Variants in SNTG2 observed in about 807,000 individuals in gnomAD.
SNTG2 encodes the protein gamma-2-syntrophin.
In SNTG2, 74 loss-of-function variants were observed where a neutral mutation model predicts 70.9. That is an observed-to-expected ratio of 1.04 (90% CI 0.86 to 1.27). The LOEUF (loss-of-function observed/expected upper bound fraction) is 1.27. Ranked by LOEUF, SNTG2 falls within the 50% of genes most tolerant of loss-of-function variation. The pLI, the probability that SNTG2 is intolerant of heterozygous loss-of-function variation, is 0.00. For synonymous variants in SNTG2, 278 were observed against 273.8 expected (o/e 1.02, Z -0.15); for missense variants, 717 against 690.7 (o/e 1.04, Z -0.43).
chr2:1,062,659 A>G (rs976727297), intron 1 of SNTG2, among the ~76,000 whole-genome samples: 3 of 152,244 alleles, frequency 2.0e-5, no homozygotes, highest in African/African-American at 7.2e-5. Flanking sequence ...TCTGTGGTAC[A>G]TAAAATGTTG....
intron 12 of SNTG2, among the ~76,000 whole-genome samples, chr2:1,250,370 CCTGTCTCTCT>C (rs1677679312): frequency 6.6e-6 from 1 of 152,164 alleles, no homozygotes; most frequent in South Asian, 2.1e-4. Context: ...CATCTCTCTC[CCTGTCTCTCT>C]GTCTCTGTCT....
chr2:1,242,836 G>A (rs1353882440), intron 11 of SNTG2: 1 of 152,050 alleles, frequency 6.6e-6, no homozygotes, highest in Non-Finnish European at 1.5e-5. Context: ...TATAGAAATG[G>A]TATCAGAAAA....
intron 1 of SNTG2, among the ~76,000 whole-genome samples, chr2:1,030,493 A>G (rs1480976408): frequency 6.6e-6 from 1 of 152,140 alleles, no homozygotes; most frequent in Non-Finnish European, 1.5e-5. Context: ...TCACATGTGC[A>G]GCTGTGATTA....
rs1261029467 is a variant in SNTG2 at position 1,149,690 on chromosome 2, TTTTTTTTTTTTTTTTC to T, written c.411+11882_411+11897del. Among the ~76,000 whole-genome samples, 37 of 4,258 alleles carry T rather than the reference TTTTTTTTTTTTTTTTC, an allele frequency of 8.7e-3. 2 individuals are homozygous for T. Among genetic ancestry groups the T allele is most frequent in the African/African-American group, 0.034 (36 of 1,060 alleles). The allele number at this position is 4,258 out of a possible 152,430, so 2.8% of individuals were successfully genotyped here. On this transcript the variant is annotated intron_variant, in intron 6 of 16. Coordinates refer to ENST00000308624, the MANE Select transcript of SNTG2 (RefSeq NM_018968.4). ...GATTAGCGTTTTTTTTTTTTTTTTTTTTTTTTTTTTTTTTTCAAATGGAATCTGGCTCTGTTGCCCA... is the reference window on the plus strand; with the variant it reads ...GATTAGCGTTTTTTTTTTTTTTTTTTAAATGGAATCTGGCTCTGTTGCCCA...
chr2:951,004 C>T lies in SNTG2; in HGVS notation c.8C>T (p.Thr3Ile), dbSNP rs1287303488. 2 of 1,257,368 alleles carry T rather than the reference C, an allele frequency of 1.6e-6. No individual in the cohort carries two copies. The highest frequency in any genetic ancestry group is 1.0e-6 in the Non-Finnish European group (1 of 1,004,490). 77.9% of individuals were successfully genotyped at this position (1,257,368 alleles called of 1,614,324 possible). A position where few individuals can be genotyped will look rare whatever the true frequency, so the allele number is the denominator to read the frequency against. The change falls in exon 1 of 17, where the codon ACC becomes ATC. Residue 3 changes from threonine (T) to isoleucine (I), a missense_variant. Physicochemically the swap from Thr to Ile is moderately conservative, Grantham distance 89 (BLOSUM62 -1). Coordinates refer to ENST00000308624, the MANE Select transcript of SNTG2 (RefSeq NM_018968.4). MGTEGPPPPAASR... is the reference protein window; with the variant it reads MGIEGPPPPAASR... ...CCAGCCGCAGGGGCGGCGATGGGCA[C>T]CGAGGGACCCCCGCCCCCGGCCGCC... is the stretch of plus-strand genomic sequence containing the variant.
chr2:1,093,804 A>C (rs1277769928), intron 2 of SNTG2, among the ~76,000 whole-genome samples: 1 of 152,276 alleles, frequency 6.6e-6, no homozygotes, highest in African/African-American at 2.4e-5. Context: ...AAGGAACCAC[A>C]GGTGGGCTGG....
chr2:1,305,489 G>A (rs574755799), intron 14 of SNTG2, among the ~76,000 whole-genome samples: 1 of 152,146 alleles, frequency 6.6e-6, no homozygotes, highest in Non-Finnish European at 1.5e-5. Context: ...TTCTTCCAAG[G>A]CATCAAGGGA....
intron 1 of SNTG2, among the ~76,000 whole-genome samples, chr2:1,027,291 C>A (rs1191763257): frequency 1.3e-5 from 2 of 152,146 alleles, no homozygotes; most frequent in South Asian, 2.1e-4. Context: ...CCCACAGACA[C>A]TACCCAGCAA....
At chr2:1,005,846 TATATATATATATATATATATATATATATA>T (rs1659552287) in intron 1 of SNTG2, among the ~76,000 whole-genome samples, 45 of 21,074 alleles carry the variant, frequency 2.1e-3, no homozygotes, top group African/African-American at 6.5e-3. Context: ...TATATATATA[TATATATATATATATATATATATATATATA>T]AACGTTGACA....
chr2:1,052,900 T>C (rs1418758412), intron 1 of SNTG2, among the ~76,000 whole-genome samples: 1 of 152,214 alleles, frequency 6.6e-6, no homozygotes, highest in South Asian at 2.1e-4. Flanking sequence ...TTGAAAGTCG[T>C]AAGCTCACAA....
intron 12 of SNTG2, among the ~76,000 whole-genome samples, chr2:1,257,173 T>G (rs561045917): frequency 2.6e-5 from 4 of 151,960 alleles, no homozygotes; most frequent in Non-Finnish European, 5.9e-5. Flanking sequence ...TTCCCACAGC[T>G]CTCAGGGTGG....
intron 6 of SNTG2, among the ~76,000 whole-genome samples, chr2:1,165,133 A>AATATTT (rs765567655): frequency 6.6e-6 from 1 of 152,232 alleles, no homozygotes; most frequent in African/African-American, 2.4e-5. Context: ...AGCATCATTT[A>AATATTT]AATATTTAAA....
intron 1 of SNTG2, among the ~76,000 whole-genome samples, chr2:1,037,852 CT>C (rs1267377799): frequency 6.6e-6 from 1 of 152,098 alleles, no homozygotes; most frequent in East Asian, 1.9e-4. Flanking sequence ...GAGGGATGGA[CT>C]TTCTGGTCGT....
chr2:1,149,384 G>A (rs922422333), intron 6 of SNTG2, among the ~76,000 whole-genome samples: 1 of 152,078 alleles, frequency 6.6e-6, no homozygotes, highest in African/African-American at 2.4e-5. Context: ...ATTGTGAATA[G>A]GATTAGAAAA....
intron 1 of SNTG2, among the ~76,000 whole-genome samples, chr2:956,670 C>A (rs916965680): frequency 6.6e-6 from 1 of 152,232 alleles, no homozygotes; most frequent in Non-Finnish European, 1.5e-5. Flanking sequence ...GCTGTGAGCC[C>A]GTGGAGGGGC....
At chr2:1,158,978 G>A (rs4467306) in intron 6 of SNTG2, among the ~76,000 whole-genome samples, 116,121 of 151,414 alleles carry the variant, frequency 0.77, 45,528 homozygotes, top group Non-Finnish European at 0.86. Flanking sequence ...ATGGCAGATC[G>A]TAGAGGAGAG....
intron 8 of SNTG2, among the ~76,000 whole-genome samples, chr2:1,200,927 A>G (rs1239105710): frequency 6.6e-6 from 1 of 152,018 alleles, no homozygotes; most frequent in African/African-American, 2.4e-5. Context: ...GAGAAAATAG[A>G]AGTCTTATAC....
intron 1 of SNTG2, among the ~76,000 whole-genome samples, chr2:1,077,150 T>C (rs1286788431): frequency 6.6e-6 from 1 of 152,174 alleles, no homozygotes. Flanking sequence ...TGCCCGCCAC[T>C]CTCAGTGCCA....
At chr2:955,882 C>T (rs113246234) in intron 1 of SNTG2, among the ~76,000 whole-genome samples, 1 of 152,334 alleles carries the variant, frequency 6.6e-6, no homozygotes, top group African/African-American at 2.4e-5. Flanking sequence ...AGCTACCCTC[C>T]TTTTAGAAGC....
Sources: gnomAD v4.1 joint callset for allele counts (sites outside exome capture counted in the v4.1 genomes callset) on GRCh38, gnomAD v4.1.1 for gene constraint, MANE v1.5 for transcripts, NCBI Gene and HGNC (gene_info 2026-07-23, HGNC 2026-07-21) for gene names.